The following MSI2 variants were observed in gnomAD, a reference collection of about 807,000 sequenced individuals.
MSI2 encodes the protein musashi RNA binding protein 2, also known as RNA-binding protein Musashi homolog 2.
Under a neutral mutation model 45.6 loss-of-function variants are expected in MSI2, and 17 were observed. The ratio of observed to expected loss-of-function variants is 0.37; its 90% CI spans 0.26 to 0.56. The LOEUF is 0.56. Among genes scored for constraint, MSI2 ranks in the 20% least tolerant of loss-of-function variants. The probability of loss-of-function intolerance (pLI) is 0.77; values close to 1 mark genes in which losing one functional copy is unlikely to be tolerated. For missense variants in MSI2, 293 were observed against 444.2 expected (o/e 0.66, Z 3.06); for synonymous variants, 156 against 158.2 (o/e 0.99, Z 0.11).
intron 7 of MSI2, among the ~76,000 whole-genome samples, chr17:57,541,151 T>TAGAG (rs55999583): frequency 0.088 from 13,137 of 148,942 alleles, 733 homozygotes; most frequent in African/African-American, 0.16. Flanking sequence ...TACATTTTGG[T>TAGAG]AGAGAGAGAG....
At chr17:57,489,251 G>A (rs1334519676) in intron 6 of MSI2, among the ~76,000 whole-genome samples, 1 of 152,124 alleles carries the variant, frequency 6.6e-6, no homozygotes, top group Non-Finnish European at 1.5e-5. Flanking sequence ...AAAGATGCAG[G>A]GATGTGGTGT....
At chr17:57,374,424 C>T (rs2083463668) in intron 5 of MSI2, among the ~76,000 whole-genome samples, 2 of 152,212 alleles carry the variant, frequency 1.3e-5, no homozygotes, top group South Asian at 4.2e-4. Flanking sequence ...TGCCCTTTTC[C>T]TGGTTTTATT....
chr17:57,293,339 A>T (rs1003607377), intron 5 of MSI2, among the ~76,000 whole-genome samples: 1 of 152,034 alleles, frequency 6.6e-6, no homozygotes, highest in East Asian at 1.9e-4. Context: ...GCATTCCAGC[A>T]TGGGAGGCGG....
intron 8 of MSI2, among the ~76,000 whole-genome samples, chr17:57,599,787 A>AGGT (rs1905665176): frequency 6.6e-6 from 1 of 152,204 alleles, no homozygotes; most frequent in South Asian, 2.1e-4. Flanking sequence ...ACTTTGGAGA[A>AGGT]GAACACTGGG....
chr17:57,639,811 T>C (rs1011486856), intron 10 of MSI2, among the ~76,000 whole-genome samples: 1 of 152,218 alleles, frequency 6.6e-6, no homozygotes, highest in Non-Finnish European at 1.5e-5. Flanking sequence ...GGACCAGCTT[T>C]GAAGGTGCTG....
chr17:57,443,912 A>G (rs781368260), intron 6 of MSI2, among the ~76,000 whole-genome samples: 5 of 152,202 alleles, frequency 3.3e-5, no homozygotes, highest in Admixed American at 6.5e-5. Flanking sequence ...AAAACTGGGC[A>G]GATGCCTCTC....
chr17:57,324,444 C>T (rs1475716001), intron 5 of MSI2, among the ~76,000 whole-genome samples: 3 of 152,146 alleles, frequency 2.0e-5, no homozygotes, highest in Admixed American at 6.5e-5. Context: ...GTGACACTTC[C>T]CTTGTAGCCC....
chr17:57,395,827 TAGAC>T (rs762320349), intron 5 of MSI2, among the ~76,000 whole-genome samples: 3 of 152,202 alleles, frequency 2.0e-5, no homozygotes, highest in Admixed American at 6.5e-5. Context: ...GATGGGGTAA[TAGAC>T]AGAGCCCTTG....
rs763303479 is a variant in MSI2, at chr17:57,285,923, T to C, written c.312+23731T>C. The C allele has an allele frequency of 8.5e-6, 13 of 1,534,098 alleles. No homozygotes were observed. The East Asian group carries it at 1.7e-4, about 20-fold the overall frequency. On this transcript the variant is annotated intron_variant, in intron 5 of 13. Coordinates refer to ENST00000284073, the MANE Select transcript of MSI2 (RefSeq NM_138962.4). The stretch of plus-strand genomic sequence containing the variant: ...TATTAAGAAAGTACTAAAGAATACG[T>C]CTTATCACGTGAATCAGTATCTTTT...
intron 5 of MSI2, among the ~76,000 whole-genome samples, chr17:57,368,849 C>T (rs1033476125): frequency 2.6e-5 from 4 of 151,992 alleles, no homozygotes; most frequent in South Asian, 2.1e-4. Flanking sequence ...TTTCTTACCT[C>T]GGTTTTGAAG....
rs761255597 is a variant in MSI2, at chr17:57,679,951, CA to C, written c.*435del. 7.0e-6 allele frequency: 1 copy of C among 141,876 alleles called. No homozygotes were observed. Among genetic ancestry groups the C allele is most frequent in the African/African-American group, 4.4e-5 (1 of 22,914 alleles). 8.8% of individuals were successfully genotyped at this position (141,876 alleles called of 1,614,324 possible). ...ATTAAGGAGTTATTTTTTCTTAAAA[CA>C]TTTTTTTTTGCTTGTTTTGGTTCTG... On this transcript the variant is annotated 3_prime_UTR_variant, in exon 14 of 14. Transcript: ENST00000284073.
At chr17:57,369,233 T>C (rs2083386037) in intron 5 of MSI2, among the ~76,000 whole-genome samples, 1 of 152,224 alleles carries the variant, frequency 6.6e-6, no homozygotes, top group Non-Finnish European at 1.5e-5. Flanking sequence ...TATGCCACCC[T>C]GTCAGCTATG....
rs529102641 is a variant in MSI2 at position 57,536,858 on chromosome 17, G to C, written c.454+7134G>C. 1.1e-4 allele frequency among the ~76,000 whole-genome samples: 17 copies of C among 152,286 alleles called. 1 individual carries two copies. In the East Asian group the frequency reaches 3.3e-3, roughly 29 times the overall value. ...TAGGTAAGTTCAGGGTCCTAGATGG[G>C]GTTAGGTGAAAATCCAGTTCTCTTT... is the stretch of plus-strand genomic sequence containing the variant. On this transcript the variant is annotated intron_variant, in intron 7 of 13. Coordinates refer to ENST00000284073, the MANE Select transcript of MSI2 (RefSeq NM_138962.4).
chr17:57,599,685 G>A (rs1335192442), intron 8 of MSI2, among the ~76,000 whole-genome samples: 1 of 152,200 alleles, frequency 6.6e-6, no homozygotes, highest in Non-Finnish European at 1.5e-5. Flanking sequence ...GATTGATTCG[G>A]ATGACAGGCT....
chr17:57,315,838 G>C (rs745513179), intron 5 of MSI2, among the ~76,000 whole-genome samples: 6 of 151,980 alleles, frequency 3.9e-5, no homozygotes, highest in Non-Finnish European at 8.8e-5. Context: ...GTGCTGTTTG[G>C]GAGACTTGGT....
At chr17:57,565,452 C>T (rs983407542) in intron 7 of MSI2, among the ~76,000 whole-genome samples, 2 of 152,216 alleles carry the variant, frequency 1.3e-5, no homozygotes, top group Non-Finnish European at 2.9e-5. Context: ...TCCGTCCCTG[C>T]CCCTTTGTGC....
At chr17:57,371,153 G>T (rs574382161) in intron 5 of MSI2, among the ~76,000 whole-genome samples, 1 of 152,058 alleles carries the variant, frequency 6.6e-6, no homozygotes, top group African/African-American at 2.4e-5. Context: ...TCAAATGCTC[G>T]TGACTCAAAT....
At chr17:57,575,150 C>CG (rs2087996885) in intron 7 of MSI2, among the ~76,000 whole-genome samples, 1 of 133,184 alleles carries the variant, frequency 7.5e-6, no homozygotes, top group Admixed American at 7.3e-5. Context: ...TTTTAACTCC[C>CG]TCCCCCCGCC....
intron 5 of MSI2, among the ~76,000 whole-genome samples, chr17:57,270,249 A>G (rs575707538): frequency 2.6e-5 from 4 of 152,156 alleles, no homozygotes; most frequent in Admixed American, 1.3e-4. Context: ...CCTTACAACA[A>G]TCCTTTGAAA....
Sources: allele counts gnomAD v4.1 joint callset (sites outside exome capture counted in the v4.1 genomes callset), GRCh38; gene constraint gnomAD v4.1.1; transcripts MANE v1.5; gene names NCBI Gene and HGNC (gene_info 2026-07-23, HGNC 2026-07-21).